PTPRS: variants seen among roughly 807,000 people sequenced by gnomAD.
PTPRS encodes the protein receptor-type tyrosine-protein phosphatase S.
PTPRS carries 63 observed loss-of-function variants against 215.3 expected under a neutral mutation model. The observed-to-expected ratio is 0.29, with a 90% CI of 0.24 to 0.36. The LOEUF is 0.36. Among genes scored for constraint, PTPRS ranks in the 10% least tolerant of loss-of-function variants. The probability of loss-of-function intolerance (pLI) is 1.00; values close to 1 mark genes in which losing one functional copy is unlikely to be tolerated. For missense variants in PTPRS, 2,258 were observed against 2,825.8 expected, an observed-to-expected ratio of 0.80 and a Z score of 4.56; for synonymous variants, 1,404 against 1,191.4, an observed-to-expected ratio of 1.18 and a Z score of -3.68.
chr19:5,278,457 C>T (rs990136741), intron 2 of PTPRS, among the ~76,000 whole-genome samples: 1 of 151,930 alleles, frequency 6.6e-6, no homozygotes, highest in Non-Finnish European at 1.5e-5. Flanking sequence ...CCTCTCACCT[C>T]GAGATGCTTT....
At chr19:5,304,990 C>A (rs1157063910) in intron 1 of PTPRS, among the ~76,000 whole-genome samples, 1 of 151,926 alleles carries the variant, frequency 6.6e-6, no homozygotes, top group East Asian at 1.9e-4. Flanking sequence ...ACTACCCCCC[C>A]AGAGCTCAGG....
intron 1 of PTPRS, among the ~76,000 whole-genome samples, chr19:5,319,413 CTTTTTTTT>C (rs78544674): frequency 6.7e-5 from 9 of 135,320 alleles, no homozygotes; most frequent in East Asian, 2.2e-4. Flanking sequence ...CAGACCTTGT[CTTTTTTTT>C]TTTTTTTTTT....
intron 1 of PTPRS, among the ~76,000 whole-genome samples, chr19:5,299,016 C>A (rs183535339): frequency 1.3e-5 from 2 of 152,314 alleles, no homozygotes; most frequent in Admixed American, 6.5e-5. Context: ...CCTTCCCAAC[C>A]CATCCAGCCT....
chr19:5,207,777 G>T, intron 37 of PTPRS, 145 bp downstream of exon 37: 2 of 1,200,498 alleles, frequency 1.7e-6, no homozygotes, highest in Non-Finnish European at 2.3e-6. Context: ...TCCCCTTCCA[G>T]TGCGGGAGGG....
In PTPRS at chr19:5,340,641, TTTA is replaced by T. The variant is rs1168714017; in HGVS notation, c.-95+20_-95+22del. On this transcript the variant is annotated intron_variant, in intron 1 of 37. Coordinates refer to ENST00000262963, the MANE Select transcript of PTPRS (RefSeq NM_002850.4). ...ATTTTTTTTTCCTCTAATCCATGAT[TTTA>T]TTTTTTTTTTTGGCTTTACCTGGAG... The T allele has an allele frequency of 4.0e-5, 6 of 148,254 alleles. No individual in the cohort carries two copies. Among genetic ancestry groups the T allele is most frequent in the Non-Finnish European group, 6.0e-5 (4 of 67,092 alleles). 9.2% of individuals were successfully genotyped at this position (148,254 alleles called of 1,614,324 possible).
At position 5,293,589 on chromosome 19, in the gene PTPRS, AGGCTGGATGCCGGACAGGGC is replaced by A. The variant is rs2049019684; in HGVS notation, c.-94-7375_-94-7356del. Among the ~76,000 whole-genome samples, 1 of 152,090 alleles carries A rather than the reference AGGCTGGATGCCGGACAGGGC, an allele frequency of 6.6e-6. No homozygotes were observed. The highest frequency in any genetic ancestry group is 6.5e-5 in the Admixed American group (1 of 15,284). ...ATCGTAGCCATGGCAACGCATGAGG[AGGCTGGATGCCGGACAGGGC>A]GGCGGAGGGCTCCCCAAACACACCC... On this transcript the variant is annotated intron_variant, in intron 1 of 37. Transcript: ENST00000262963. This position sits in a 1 kb window ranked among gnomAD's most constrained non-coding sequence, Gnocchi z 8.4.
At chr19:5,299,816 G>C (rs2049248710) in intron 1 of PTPRS, among the ~76,000 whole-genome samples, 1 of 152,164 alleles carries the variant, frequency 6.6e-6, no homozygotes, top group Non-Finnish European at 1.5e-5. Flanking sequence ...GTTGCAGTGA[G>C]CTGAGATCGC....
intron 1 of PTPRS, among the ~76,000 whole-genome samples, chr19:5,330,198 C>T (rs2050280238): frequency 6.6e-6 from 1 of 152,134 alleles, no homozygotes. Context: ...TGAAGCTGGG[C>T]CTGGGTGCAG....
intron 12 of PTPRS, among the ~76,000 whole-genome samples, chr19:5,239,920 G>A (rs949342677): frequency 6.6e-6 from 1 of 152,150 alleles, no homozygotes; most frequent in Non-Finnish European, 1.5e-5. Flanking sequence ...ACAAGACACA[G>A]AGAGAAGCAC....
chr19:5,233,916 A>G (rs956435897), intron 13 of PTPRS, among the ~76,000 whole-genome samples: 8 of 129,232 alleles, frequency 6.2e-5, no homozygotes, highest in Non-Finnish European at 9.4e-5. Flanking sequence ...ACTGTACTCC[A>G]GCCTGGGCAA....
Position 5,223,013 on chromosome 19 carries a change from T to A in PTPRS, c.2779A>T (p.Thr927Ser), listed in dbSNP as rs1030703866. ...AGAATCTGCGGGTGGCCACGGGGCG[T>A]GTCCTCCGGGATGCTCAGGACCTCG... is the stretch of plus-strand genomic sequence containing the variant. The part of the protein sequence containing the change: ...AAEVLSIPED[T>S]PRGHPQILEA... Residue 927 changes from threonine (T) to serine (S), a missense_variant, in exon 18 of 38, where the codon ACG becomes TCG. Physicochemically the swap from Thr to Ser is moderately conservative, Grantham distance 58. This residue lies in a region of PTPRS where 361 missense variants were observed against 332.6 expected (regional missense o/e 1.09). Transcript: ENST00000262963. 1 of 1,543,264 alleles carries A rather than the reference T, an allele frequency of 6.5e-7. No individual in the cohort carries two copies. Among genetic ancestry groups the A allele is most frequent in the Non-Finnish European group, 8.7e-7 (1 of 1,146,716 alleles).
rs8100586 is a variant in PTPRS, at chr19:5,257,800, C to A, written c.706+217G>T. Among the ~76,000 whole-genome samples, 36,466 of 152,172 alleles carry A rather than the reference C, an allele frequency of 0.24. 5,071 individuals are homozygous for A. The highest frequency in any genetic ancestry group is 0.33 in the Non-Finnish European group (22,107 of 67,958). ...TGCCCACGGGGCATCTCTCGCAAGG[C>A]ACGAGGAAGGGAATTTAAGCTGCCC... On this transcript the variant is annotated intron_variant, in intron 8 of 37. Coordinates refer to ENST00000262963, the MANE Select transcript of PTPRS (RefSeq NM_002850.4). This position sits in a 1 kb window ranked among gnomAD's most constrained non-coding sequence, Gnocchi z 4.4.
At chr19:5,313,160 G>A (rs1180509246) in intron 1 of PTPRS, among the ~76,000 whole-genome samples, 11 of 152,264 alleles carry the variant, frequency 7.2e-5, no homozygotes, top group East Asian at 5.8e-4. Context: ...CAGGTGATCC[G>A]CCCGACTCAG....
chr19:5,294,083 G>A lies in PTPRS; in HGVS notation c.-94-7849C>T, dbSNP rs972158624. Among the ~76,000 whole-genome samples the A allele has an allele frequency of 2.0e-5, 3 of 152,184 alleles. No individual in the cohort carries two copies. Among genetic ancestry groups the A allele is most frequent in the African/African-American group, 7.2e-5 (3 of 41,456 alleles). ...TGGGGACGGGACAGGGGCAGAGGCC[G>A]GGATGGAGACCCAAGGGCTCCCGCG... On this transcript the variant is annotated intron_variant, in intron 1 of 37. Transcript: ENST00000262963. This position sits in a 1 kb window ranked among gnomAD's most constrained non-coding sequence, Gnocchi z 5.1.
At position 5,223,188 on chromosome 19, in the gene PTPRS, C is replaced by G. The variant is rs753698626; in HGVS notation, c.2604G>C (p.Leu868=). 6 of 1,553,794 alleles carry G rather than the reference C, an allele frequency of 3.9e-6. No homozygotes were observed. The highest frequency in any genetic ancestry group is 5.2e-6 in the Non-Finnish European group (6 of 1,150,142). ...GCGTCGAGTCCTCACGGCCAAACTG[C>G]AGGCGGTAGCCCAGCACCTGGTCCT... ...TAEDQVLGYR[L]QFGREDSTPL... The change falls in exon 18 of 38, where the codon CTG becomes CTC. Residue 868 remains leucine (L), a synonymous_variant. Coordinates refer to ENST00000262963, the MANE Select transcript of PTPRS (RefSeq NM_002850.4).
intron 7 of PTPRS, 133 bp downstream of exon 7, chr19:5,260,672 C>T (rs1483819604): frequency 8.2e-7 from 1 of 1,213,730 alleles, no homozygotes; most frequent in African/African-American, 1.5e-5. Context: ...CGGACTAACA[C>T]TGGGTGGAAC....
At chr19:5,207,259 A>AT (rs1413324035) in intron 37 of PTPRS, among the ~76,000 whole-genome samples, 3 of 152,016 alleles carry the variant, frequency 2.0e-5, no homozygotes, top group African/African-American at 7.2e-5. Flanking sequence ...TGATTTTTGT[A>AT]TTTTTAGTAG....
rs373977710 is a variant in PTPRS at position 5,214,345 on chromosome 19, C to T, written c.4614+16G>A. ...ATTCCTCCACCCTCAGCCCCCAGCC[C>T]CAGCCTGGGCCCCACCTTGTGCAGA... On this transcript the variant is annotated intron_variant, in intron 30 of 37. Coordinates refer to ENST00000262963, the MANE Select transcript of PTPRS (RefSeq NM_002850.4). 1.6e-5 allele frequency: 26 copies of T among 1,613,836 alleles called. No individual in the cohort carries two copies. Among genetic ancestry groups the T allele is most frequent in the Non-Finnish European group, 2.1e-5 (25 of 1,180,012 alleles).
intron 2 of PTPRS, among the ~76,000 whole-genome samples, chr19:5,277,058 T>G (rs1341647600): frequency 2.0e-4 from 3 of 14,772 alleles, no homozygotes; most frequent in South Asian, 1.7e-3. Context: ...GAGTTTTGTG[T>G]TTTTTTTTTT....
Sources: gnomAD v4.1 joint callset for allele counts (sites outside exome capture counted in the v4.1 genomes callset) on GRCh38, gnomAD v4.1.1 for gene constraint, gnomAD v4.1.1 regional missense constraint, Gnocchi (gnomAD v3.1) non-coding constraint, MANE v1.5 for transcripts, NCBI Gene and HGNC (gene_info 2026-07-23, HGNC 2026-07-21) for gene names.